The following KIRREL3 variants were observed in gnomAD, a reference collection of about 807,000 sequenced individuals.
KIRREL3 encodes kin of IRRE-like protein 3.
A neutral mutation model predicts 89.7 loss-of-function variants in KIRREL3; 36 were observed. The ratio of observed to expected loss-of-function variants is 0.40; its 90% confidence interval spans 0.31 to 0.53. The LOEUF is 0.53. Ranked by LOEUF, KIRREL3 falls within the 20% of genes least tolerant of loss-of-function variation. The probability of loss-of-function intolerance (pLI) is 0.49; values close to 1 mark genes in which losing one functional copy is unlikely to be tolerated. For missense variants in KIRREL3, 864 were observed against 1,056.6 expected, an observed-to-expected ratio of 0.82 and a Z score of 2.53; for synonymous variants, 445 against 441.4, an observed-to-expected ratio of 1.01 and a Z score of -0.10.
At chr11:126,469,749 G>C (rs1956834311) in intron 5 of KIRREL3, among the ~76,000 whole-genome samples, 1 of 152,194 alleles carries the variant, frequency 6.6e-6, no homozygotes, top group Non-Finnish European at 1.5e-5. Flanking sequence ...GCCTTGCCTT[G>C]GGACACAGGG....
In KIRREL3 at chr11:126,513,948, C is replaced by T. The variant is rs1397203132; in HGVS notation, c.433+7367G>A. Among the ~76,000 whole-genome samples the T allele has an allele frequency of 6.6e-6, 1 of 152,152 alleles. No individual in the cohort carries two copies. Among genetic ancestry groups the T allele is most frequent in the African/African-American group, 2.4e-5 (1 of 41,430 alleles). On this transcript the variant is annotated intron_variant, in intron 4 of 16. Transcript: ENST00000525144. The surrounding 1 kb of genome is among the most constrained non-coding windows in gnomAD (Gnocchi z 5.9). ...CAGCCTCAGATACCCTTCATGGCCC[C>T]CAGCTCTGCTCACTTTATCACCTGC...
At chr11:126,939,006 T>C (rs1216142742) in intron 1 of KIRREL3, among the ~76,000 whole-genome samples, 1 of 152,128 alleles carries the variant, frequency 6.6e-6, no homozygotes, top group Admixed American at 6.6e-5. Flanking sequence ...AGCTTCAGTG[T>C]GAGAAGGAAG....
rs2135031136 is a variant in KIRREL3 at position 126,664,938 on chromosome 11, C to T, written c.56-102026G>A. 6.6e-6 allele frequency among the ~76,000 whole-genome samples: 1 copy of T among 152,306 alleles called. No individual in the cohort carries two copies. The highest frequency in any genetic ancestry group is 6.5e-5 in the Admixed American group (1 of 15,306). On this transcript the variant is annotated intron_variant, in intron 1 of 16. Coordinates refer to ENST00000525144, the MANE Select transcript of KIRREL3 (RefSeq NM_032531.4). The surrounding 1 kb of genome is among the most constrained non-coding windows in gnomAD (Gnocchi z 5.4). ...CCCTCCAGGCAGAATGAACTGTGCTCTTACTCTGCAGCCTTCGACACATTA... is the reference window on the plus strand; with the variant it reads ...CCCTCCAGGCAGAATGAACTGTGCTTTTACTCTGCAGCCTTCGACACATTA...
At chr11:126,434,564 AG>A (rs1373611474) in intron 13 of KIRREL3, among the ~76,000 whole-genome samples, 1 of 152,176 alleles carries the variant, frequency 6.6e-6, no homozygotes, top group Non-Finnish European at 1.5e-5. Flanking sequence ...GTGTGGCAGG[AG>A]GCCTGGGATG....
In KIRREL3 at chr11:126,991,473, TA is replaced by T. The variant is rs1439436160; in HGVS notation, c.55+8981del. Reference sequence around the variant, plus strand: ...TCCCTGCCTTTGCTTCCTTCCTTTTTATTATTATTATTATTATTATTTGTCA... The same window carrying T: ...TCCCTGCCTTTGCTTCCTTCCTTTTTTTATTATTATTATTATTATTTGTCA... On this transcript the variant is annotated intron_variant, in intron 1 of 16. Transcript: ENST00000525144. The surrounding 1 kb of genome is among the most constrained non-coding windows in gnomAD (Gnocchi z 5.8). 9.3e-6 allele frequency among the ~76,000 whole-genome samples: 1 copy of T among 107,612 alleles called. No individual in the cohort carries two copies. Among genetic ancestry groups the T allele is most frequent in the Non-Finnish European group, 2.0e-5 (1 of 50,364 alleles). The allele number at this position is 107,612 out of a possible 152,430, so 70.6% of individuals were successfully genotyped here.
chr11:126,602,047 A>T (rs1415118193), intron 1 of KIRREL3, among the ~76,000 whole-genome samples: 1 of 152,182 alleles, frequency 6.6e-6, no homozygotes, highest in Non-Finnish European at 1.5e-5. Flanking sequence ...ACCTCGCAGG[A>T]ACTAATTGAA....
At chr11:126,450,484 GGTGT>G (rs1278744248) in intron 7 of KIRREL3, among the ~76,000 whole-genome samples, 6 of 115,050 alleles carry the variant, frequency 5.2e-5, no homozygotes, top group African/African-American at 1.7e-4. Flanking sequence ...CATGTGTGTG[GGTGT>G]GAGTGTGTGC....
Position 126,780,259 on chromosome 11 carries a change from A to T in KIRREL3, c.56-217347T>A, listed in dbSNP as rs1343770014. ...GCTAGCGTGGGTGTGTGGACTGCAG[A>T]TGTGTAAGAGCAGCCTATCTTCTTC... On this transcript the variant is annotated intron_variant, in intron 1 of 16. Transcript: ENST00000525144. The surrounding 1 kb of genome is among the most constrained non-coding windows in gnomAD (Gnocchi z 5.3). Among the ~76,000 whole-genome samples, 1 of 152,194 alleles carries T rather than the reference A, an allele frequency of 6.6e-6. No individual in the cohort carries two copies. The highest frequency in any genetic ancestry group is 1.5e-5 in the Non-Finnish European group (1 of 68,032).
chr11:126,668,741 C>CTTTTT lies in KIRREL3; in HGVS notation c.56-105830_56-105829insAAAAA, dbSNP rs776310813. Among the ~76,000 whole-genome samples the CTTTTT allele has an allele frequency of 7.6e-6, 1 of 130,808 alleles. No homozygotes were observed. The highest frequency in any genetic ancestry group is 1.7e-5 in the Non-Finnish European group (1 of 59,818). 85.8% of individuals were successfully genotyped at this position (130,808 alleles called of 152,430 possible). On this transcript the variant is annotated intron_variant, in intron 1 of 16. Transcript: ENST00000525144. The surrounding 1 kb of genome is among the most constrained non-coding windows in gnomAD (Gnocchi z 4.4). ...TCTTTCTTTCTTTCTTTCTTTCTTT[C>CTTTTT]TTTCTTTCTTTCTTTTTTCTCTTTC...
Position 126,764,652 on chromosome 11 carries a change from C to T in KIRREL3, c.56-201740G>A, listed in dbSNP as rs1715389732. On this transcript the variant is annotated intron_variant, in intron 1 of 16. Coordinates refer to ENST00000525144, the MANE Select transcript of KIRREL3 (RefSeq NM_032531.4). This position sits in a 1 kb window ranked among gnomAD's most constrained non-coding sequence, Gnocchi z 4.2. ...TACAGTTTAGTTAATCTTTGGTTAG[C>T]ACATGCACACGTGGGCACGTGCAAA... Among the ~76,000 whole-genome samples, 1 of 152,208 alleles carries T rather than the reference C, an allele frequency of 6.6e-6. No individual in the cohort carries two copies.
rs973775233 is a variant in KIRREL3 at position 126,522,912 on chromosome 11, T to A, written c.284-1448A>T. Among the ~76,000 whole-genome samples, 2 of 152,106 alleles carry A rather than the reference T, an allele frequency of 1.3e-5. No individual in the cohort carries two copies. Among genetic ancestry groups the A allele is most frequent in the Non-Finnish European group, 2.9e-5 (2 of 68,014 alleles). On this transcript the variant is annotated intron_variant, in intron 3 of 16. Transcript: ENST00000525144. The surrounding 1 kb of genome is among the most constrained non-coding windows in gnomAD (Gnocchi z 6.0). ...CACACAGGGAGTGTTCTCAGACGGG[T>A]GCTGTAGGAGGATGAGACGGGACAC... is the stretch of plus-strand genomic sequence containing the variant.
upstream of KIRREL3, among the ~76,000 whole-genome samples, chr11:127,002,476 C>T (rs1358230280): frequency 6.6e-5 from 10 of 152,096 alleles, no homozygotes; most frequent in Admixed American, 5.2e-4. Flanking sequence ...ACAGATCATG[C>T]AATAAATGGA....
chr11:126,759,360 C>T (rs1949601815), intron 1 of KIRREL3, among the ~76,000 whole-genome samples: 1 of 152,196 alleles, frequency 6.6e-6, no homozygotes, highest in South Asian at 2.1e-4. Flanking sequence ...GAACTCCTGA[C>T]CTTGTGATCT....
Position 126,755,607 on chromosome 11 carries a change from C to T in KIRREL3, c.56-192695G>A, listed in dbSNP as rs537945841. On this transcript the variant is annotated intron_variant, in intron 1 of 16. Transcript: ENST00000525144. The surrounding 1 kb of genome is among the most constrained non-coding windows in gnomAD (Gnocchi z 4.3). ...ATAGGCCTACAATAGGAAAGGTCTG[C>T]GTGCTGACACTCTCAACTTCCCTGA... 6.6e-6 allele frequency among the ~76,000 whole-genome samples: 1 copy of T among 152,272 alleles called. No homozygotes were observed. The highest frequency in any genetic ancestry group is 1.9e-4 in the East Asian group (1 of 5,188).
chr11:126,560,779 G>C (rs1405595677), intron 2 of KIRREL3, among the ~76,000 whole-genome samples: 1 of 152,156 alleles, frequency 6.6e-6, no homozygotes, highest in Non-Finnish European at 1.5e-5. Flanking sequence ...ATCTTTAAGG[G>C]AAGAAGAAGC....
chr11:126,720,055 G>C (rs1301056992), intron 1 of KIRREL3, among the ~76,000 whole-genome samples: 1 of 152,150 alleles, frequency 6.6e-6, no homozygotes, highest in East Asian at 1.9e-4. Flanking sequence ...CCAACCTGCA[G>C]GCTCCCTCTT....
intron 1 of KIRREL3, among the ~76,000 whole-genome samples, chr11:126,840,029 G>A (rs980598670): frequency 3.3e-5 from 5 of 152,138 alleles, no homozygotes; most frequent in African/African-American, 9.7e-5. Context: ...GGACATGAAC[G>A]TTGAGAAATC....
intron 1 of KIRREL3, among the ~76,000 whole-genome samples, chr11:126,825,818 G>A (rs991059366): frequency 2.0e-5 from 3 of 152,114 alleles, no homozygotes; most frequent in Non-Finnish European, 4.4e-5. Flanking sequence ...AAAAAAACTG[G>A]GGCACAGAGG....
chr11:126,787,307 A>G (rs1035207974), intron 1 of KIRREL3, among the ~76,000 whole-genome samples: 4 of 152,172 alleles, frequency 2.6e-5, no homozygotes, highest in African/African-American at 7.2e-5. Flanking sequence ...ATGTGTGGGG[A>G]GTTTGCACAA....
Sources: gnomAD v4.1 joint callset for allele counts (sites outside exome capture counted in the v4.1 genomes callset) on GRCh38, gnomAD v4.1.1 for gene constraint, Gnocchi (gnomAD v3.1) non-coding constraint, MANE v1.5 for transcripts, NCBI Gene and HGNC (gene_info 2026-07-23, HGNC 2026-07-21) for gene names.